RARB: variants seen among roughly 807,000 people sequenced by gnomAD.
RARB encodes retinoic acid receptor beta, also known as HBV-activated protein.
A neutral mutation model predicts 51.9 loss-of-function variants in RARB; 17 were observed. The observed-to-expected ratio is 0.33, with a 90% CI of 0.22 to 0.49. The LOEUF (loss-of-function observed/expected upper bound fraction) is 0.49. RARB is among the 20% of genes least tolerant of loss of function. The pLI is 0.99. For synonymous variants in RARB, 215 were observed against 195.4 expected, an observed-to-expected ratio of 1.10 and a Z score of -0.84; for missense variants, 369 against 550.8, an observed-to-expected ratio of 0.67 and a Z score of 3.30.
At chr3:25,295,331 C>T (rs1259510198) in intron 5 of RARB, among the ~76,000 whole-genome samples, 1 of 152,128 alleles carries the variant, frequency 6.6e-6, no homozygotes, top group African/African-American at 2.4e-5. Context: ...CATTAGTGCC[C>T]CTATAAAAGA....
At chr3:25,489,359 GAT>G (rs1253495895) in intron 2 of RARB, among the ~76,000 whole-genome samples, 2 of 152,178 alleles carry the variant, frequency 1.3e-5, no homozygotes, top group Non-Finnish European at 2.9e-5. Context: ...CTGAATTTAT[GAT>G]ATTAGAGTTT....
chr3:25,198,562 A>C (rs1701303742), intron 5 of RARB, among the ~76,000 whole-genome samples: 1 of 152,168 alleles, frequency 6.6e-6, no homozygotes, highest in South Asian at 2.1e-4. Flanking sequence ...ACTCAATAGG[A>C]AAAACTATTG....
chr3:25,391,463 A>G (rs1706955908), intron 5 of RARB, among the ~76,000 whole-genome samples: 1 of 152,110 alleles, frequency 6.6e-6, no homozygotes. Context: ...TCTTTAAGGA[A>G]TCTCCACACT....
At chr3:25,161,690 A>G (rs988644987) in intron 4 of RARB, among the ~76,000 whole-genome samples, 1 of 152,198 alleles carries the variant, frequency 6.6e-6, no homozygotes, top group African/African-American at 2.4e-5. Context: ...TCTTGTGCAT[A>G]TCTCTTTGCA....
intron 2 of RARB, among the ~76,000 whole-genome samples, chr3:24,936,198 C>T (rs558031398): frequency 2.6e-5 from 4 of 152,100 alleles, no homozygotes; most frequent in African/African-American, 7.2e-5. Flanking sequence ...GCAAGCGCTT[C>T]GTAGATAGCA....
In RARB at chr3:25,129,937, A is replaced by G. The variant is rs539451179; in HGVS notation, c.-327-2224A>G. 2.9e-3 allele frequency among the ~76,000 whole-genome samples: 438 copies of G among 152,212 alleles called. 5 individuals carry two copies. Among genetic ancestry groups the G allele is most frequent in the African/African-American group, 9.9e-3 (413 of 41,552 alleles). ...GATTTCATTTCAGAAGCTCTCTTATATAGGCTTTCCTTCACTAAAACTGCT... is the reference window on the plus strand; with the variant it reads ...GATTTCATTTCAGAAGCTCTCTTATGTAGGCTTTCCTTCACTAAAACTGCT... On this transcript the variant is annotated intron_variant, in intron 3 of 11. Coordinates refer to the RARB transcript ENST00000383772.
At chr3:24,841,262 C>G (rs935211266) in intron 1 of RARB, among the ~76,000 whole-genome samples, 7 of 152,178 alleles carry the variant, frequency 4.6e-5, no homozygotes, top group Admixed American at 2.6e-4. Context: ...GATTTCAAAA[C>G]CTAACTAGGA....
intron 4 of RARB, among the ~76,000 whole-genome samples, chr3:25,139,020 G>T (rs926153008): frequency 6.6e-6 from 1 of 152,102 alleles, no homozygotes; most frequent in South Asian, 2.1e-4. Context: ...TGTTGTAATT[G>T]TTTGAGGGCA....
chr3:25,239,150 G>T (rs755625789), intron 5 of RARB, among the ~76,000 whole-genome samples: 1 of 152,070 alleles, frequency 6.6e-6, no homozygotes, highest in African/African-American at 2.4e-5. Flanking sequence ...TTTTTAATGG[G>T]ATTGTTTATT....
At chr3:25,517,919 C>G (rs1340953090) in intron 3 of RARB, among the ~76,000 whole-genome samples, 1 of 152,048 alleles carries the variant, frequency 6.6e-6, no homozygotes, top group Admixed American at 6.6e-5. Flanking sequence ...ATGAGATCAT[C>G]CATACAAAAT....
chr3:24,830,490 G>T (rs1473558678), intron 1 of RARB, among the ~76,000 whole-genome samples: 1 of 148,914 alleles, frequency 6.7e-6, no homozygotes, highest in South Asian at 2.2e-4. Context: ...TGGACCGCCC[G>T]CTGTGCCTCC....
intron 3 of RARB, among the ~76,000 whole-genome samples, chr3:25,545,607 C>A (rs537794511): frequency 6.6e-6 from 1 of 152,284 alleles, no homozygotes; most frequent in South Asian, 2.1e-4. Flanking sequence ...CGGGTAAAGC[C>A]TTGGGGCCAG....
At chr3:25,414,269 C>G (rs1167240938) in intron 5 of RARB, among the ~76,000 whole-genome samples, 1 of 152,130 alleles carries the variant, frequency 6.6e-6, no homozygotes, top group African/African-American at 2.4e-5. Context: ...TTTTTATTGC[C>G]AAGAAGCTTT....
Position 25,519,671 on chromosome 3 carries a change from CT to C in RARB, c.448+18350del, listed in dbSNP as rs1304327713. Among the ~76,000 whole-genome samples the C allele has an allele frequency of 5.9e-5, 9 of 152,036 alleles. No individual in the cohort carries two copies. The East Asian group carries it at 1.4e-3, about 23-fold the overall frequency. ...AAAAGTTATTGCCACGTTTTTTAAGCTTACCTGTATTTTTATCACTTATCAT... is the reference window on the plus strand; with the variant it reads ...AAAAGTTATTGCCACGTTTTTTAAGCTACCTGTATTTTTATCACTTATCAT... On this transcript the variant is annotated intron_variant, in intron 3 of 7. Coordinates refer to ENST00000330688, the MANE Select transcript of RARB (RefSeq NM_000965.5).
intron 5 of RARB, among the ~76,000 whole-genome samples, chr3:25,382,901 C>T (rs1706672713): frequency 6.6e-6 from 1 of 152,108 alleles, no homozygotes; most frequent in Non-Finnish European, 1.5e-5. Context: ...ACAGCTGGCA[C>T]CAGCTGCTGA....
intron 5 of RARB, among the ~76,000 whole-genome samples, chr3:25,412,359 T>C (rs577787838): frequency 1.3e-5 from 2 of 152,304 alleles, no homozygotes; most frequent in East Asian, 3.9e-4. Context: ...GTTATATAGA[T>C]ATTGGCATGC....
At chr3:25,583,088 G>T (rs1701245705) in intron 5 of RARB, among the ~76,000 whole-genome samples, 1 of 152,116 alleles carries the variant, frequency 6.6e-6, no homozygotes, top group African/African-American at 2.4e-5. Flanking sequence ...ATAGGCCAGG[G>T]AGGAAAATGT....
intron 2 of RARB, among the ~76,000 whole-genome samples, chr3:24,906,416 G>A (rs1694865209): frequency 6.6e-6 from 1 of 152,162 alleles, no homozygotes; most frequent in Admixed American, 6.5e-5. Flanking sequence ...CAGAGTCAAG[G>A]AGCACCATTT....
chr3:25,111,504 TC>T (rs1251015906), intron 3 of RARB, among the ~76,000 whole-genome samples: 1 of 151,524 alleles, frequency 6.6e-6, no homozygotes, highest in Non-Finnish European at 1.5e-5. Context: ...CAAGAGATGG[TC>T]CAAAAGAAAA....
Sources: allele counts gnomAD v4.1 joint callset (sites outside exome capture counted in the v4.1 genomes callset), GRCh38; gene constraint gnomAD v4.1.1; transcripts MANE v1.5; gene names NCBI Gene and HGNC (gene_info 2026-07-23, HGNC 2026-07-21).